DNAJA2: variants seen among roughly 807,000 people sequenced by gnomAD.
DNAJA2 encodes the protein dnaJ homolog subfamily A member 2.
A neutral mutation model predicts 49.3 loss-of-function variants in DNAJA2; 6 were observed. The observed-to-expected ratio is 0.12, with a 90% confidence interval of 0.07 to 0.24. DNAJA2 has a LOEUF of 0.24. Ranked by LOEUF, DNAJA2 falls within the 10% of genes least tolerant of loss-of-function variation. DNAJA2 has a pLI of 1.00. For synonymous variants in DNAJA2, 160 were observed against 172.7 expected, an observed-to-expected ratio of 0.93 and a Z score of 0.58; for missense variants, 347 against 516.8, an observed-to-expected ratio of 0.67 and a Z score of 3.19.
Position 46,970,223 on chromosome 16 carries a change from T to C in DNAJA2, c.362+1126A>G, listed in dbSNP as rs562904654. ...TTGCAAAGTGAAACAGCTATTTTCATACTGGAGAGGGCTTGTGGATTCACA... is the reference window on the plus strand; with the variant it reads ...TTGCAAAGTGAAACAGCTATTTTCACACTGGAGAGGGCTTGTGGATTCACA... On this transcript the variant is annotated intron_variant, in intron 3 of 8. Coordinates refer to ENST00000317089, the MANE Select transcript of DNAJA2 (RefSeq NM_005880.4). Among the ~76,000 whole-genome samples the C allele has an allele frequency of 8.7e-4, 132 of 152,342 alleles. 1 individual carries two copies. The highest frequency in any genetic ancestry group is 3.0e-3 in the African/African-American group (125 of 41,586).
intron 4 of DNAJA2, 66 bp from the exon 5 acceptor site, chr16:46,967,712 C>A: frequency 6.3e-7 from 1 of 1,599,094 alleles, no homozygotes; most frequent in Non-Finnish European, 8.5e-7. Context: ...CTATGACACA[C>A]AGAAATTGTG....
At chr16:46,963,397 T>G (rs1246875818) in intron 6 of DNAJA2, among the ~76,000 whole-genome samples, 3 of 151,904 alleles carry the variant, frequency 2.0e-5, no homozygotes, top group Non-Finnish European at 4.4e-5. Context: ...GGCTGGGCAC[T>G]GTGGCTCACA....
At chr16:46,971,239 G>T in intron 3 of DNAJA2, 110 bp downstream of exon 3, 1 of 880,582 alleles carries the variant, frequency 1.1e-6, no homozygotes, top group Non-Finnish European at 1.7e-6. Context: ...GCAAATGGAA[G>T]TTTTTCTAAT....
chr16:46,967,759 T>A (rs1282922137), intron 4 of DNAJA2, 113 bp from the exon 5 acceptor site: 4 of 1,377,640 alleles, frequency 2.9e-6, no homozygotes, highest in Admixed American at 4.1e-5. Flanking sequence ...AACTTGTATT[T>A]AAATTGACTT....
At chr16:46,967,983 G>C in intron 4 of DNAJA2, 101 bp downstream of exon 4, 1 of 1,178,802 alleles carries the variant, frequency 8.5e-7, no homozygotes, top group Non-Finnish European at 1.2e-6. Flanking sequence ...GCACCCAGCC[G>C]TAAGTTTTAA....
Position 46,956,447 on chromosome 16 carries a change from A to AAAAAG in DNAJA2, c.*581_*582insCTTTT. On this transcript the variant is annotated 3_prime_UTR_variant, in exon 9 of 9. Coordinates refer to ENST00000317089, the MANE Select transcript of DNAJA2 (RefSeq NM_005880.4). ...CCTTTCACAAGATGGTAAAAAAAAA[A>AAAAAG]AAAAAGAAAAAAGAAAAAAAAAACA... 6.6e-6 allele frequency: 1 copy of AAAAAG among 151,926 alleles called. No individual in the cohort carries two copies. 9.4% of individuals were successfully genotyped at this position (151,926 alleles called of 1,614,324 possible).
chr16:46,967,753 TG>T lies in DNAJA2; in HGVS notation c.444-108del. ...ACCTTCATCTTCAACCCCAATAACT[TG>T]TATTTAAATTGACTTCCAGAAGTAT... On this transcript the variant is annotated intron_variant, in intron 4 of 8. Coordinates refer to ENST00000317089, the MANE Select transcript of DNAJA2 (RefSeq NM_005880.4). 4 of 1,421,626 alleles carry T rather than the reference TG, an allele frequency of 2.8e-6. No homozygotes were observed. In the South Asian group the frequency reaches 5.2e-5, roughly 18 times the overall value. The allele number at this position is 1,421,626 out of a possible 1,614,324, so 88.1% of individuals were successfully genotyped here. A position where few individuals can be genotyped will look rare whatever the true frequency, so the allele number is the denominator to read the frequency against.
intron 8 of DNAJA2, among the ~76,000 whole-genome samples, chr16:46,958,108 G>A (rs1961842252): frequency 6.6e-6 from 1 of 152,204 alleles, no homozygotes; most frequent in African/African-American, 2.4e-5. Flanking sequence ...GGAGGCAGGA[G>A]GATTGCTTGA....
chr16:46,973,651 GCGGCACAGGC>G lies in DNAJA2; in HGVS notation c.-89_-80del. The G allele has an allele frequency of 6.8e-7, 1 of 1,466,598 alleles. No individual in the cohort carries two copies. The highest frequency in any genetic ancestry group is 1.2e-5 in the South Asian group (1 of 84,518). The allele number at this position is 1,466,598 out of a possible 1,614,324, so 90.8% of individuals were successfully genotyped here. A position where few individuals can be genotyped will look rare whatever the true frequency, so the allele number is the denominator to read the frequency against. The stretch of plus-strand genomic sequence containing the variant: ...GTCGGGCCCACAAGCGGCGTCGGCG[GCGGCACAGGC>G]CGAGGGAGACAGCGAGGGGGAAGCG... On this transcript the variant is annotated 5_prime_UTR_variant, in exon 1 of 9. Coordinates refer to ENST00000317089, the MANE Select transcript of DNAJA2 (RefSeq NM_005880.4).
intron 6 of DNAJA2, among the ~76,000 whole-genome samples, chr16:46,964,321 G>A (rs1961939404): frequency 2.0e-5 from 3 of 152,084 alleles, no homozygotes; most frequent in African/African-American, 4.8e-5. Flanking sequence ...GTAGTGAGCC[G>A]AGATCGCACC....
At position 46,956,816 on chromosome 16, in the gene DNAJA2, T is replaced by C. The variant is rs1456653855; in HGVS notation, c.*213A>G. 5.8e-6 allele frequency: 3 copies of C among 514,404 alleles called. No individual in the cohort carries two copies. Among genetic ancestry groups the C allele is most frequent in the Non-Finnish European group, 1.0e-5 (3 of 293,452 alleles). The allele number at this position is 514,404 out of a possible 1,614,324, so 31.9% of individuals were successfully genotyped here. ...GTCTTGTTTCCTTTCAAGTGCTTTA[T>C]TCTGCTATGGAACAGTCAAAATGAA... On this transcript the variant is annotated 3_prime_UTR_variant, in exon 9 of 9. Coordinates refer to ENST00000317089, the MANE Select transcript of DNAJA2 (RefSeq NM_005880.4).
Position 46,957,167 on chromosome 16 carries a change from T to C in DNAJA2, c.1101A>G (p.Glu367=). The change falls in exon 9 of 9, where the codon GAA becomes GAG. Residue 367 remains glutamate (E), a synonymous_variant. Transcript: ENST00000317089. ...SRPEVPNIIG[E]TEEVELQEFD... ...ATTCCTGAAGCTCTACCTCCTCTGTTTCTCCAATTATGTTAGGAACTTCCG... is the reference window on the plus strand; with the variant it reads ...ATTCCTGAAGCTCTACCTCCTCTGTCTCTCCAATTATGTTAGGAACTTCCG... 3 of 1,614,046 alleles carry C rather than the reference T, an allele frequency of 1.9e-6. No individual in the cohort carries two copies. Among genetic ancestry groups the C allele is most frequent in the Non-Finnish European group, 2.5e-6 (3 of 1,179,966 alleles).
chr16:46,957,155 T>C lies in DNAJA2; in HGVS notation c.1113A>G (p.Val371=), dbSNP rs1326530113. 3 of 1,614,210 alleles carry C rather than the reference T, an allele frequency of 1.9e-6. No homozygotes were observed. The highest frequency in any genetic ancestry group is 2.5e-6 in the Non-Finnish European group (3 of 1,180,034). Residue 371 remains valine, a synonymous_variant, in exon 9 of 9, where the codon GTA becomes GTG. Transcript: ENST00000317089. ...GAGTGCTATCAAATTCCTGAAGCTC[T>C]ACCTCCTCTGTTTCTCCAATTATGT... The part of the protein sequence containing the change: ...VPNIIGETEE[V]ELQEFDSTRG...
Position 46,965,371 on chromosome 16 carries a change from C to G in DNAJA2, c.578-564G>C, listed in dbSNP as rs1188885130. Among the ~76,000 whole-genome samples, 3 of 152,254 alleles carry G rather than the reference C, an allele frequency of 2.0e-5. No homozygotes were observed. The East Asian group carries it at 5.8e-4, about 29-fold the overall frequency. ...CTCTTATAATTATGGTATTAAAAAG[C>G]AAAACCGTGATTATACATATTATAG... is the stretch of plus-strand genomic sequence containing the variant. On this transcript the variant is annotated intron_variant, in intron 5 of 8. Coordinates refer to ENST00000317089, the MANE Select transcript of DNAJA2 (RefSeq NM_005880.4).
Position 46,969,758 on chromosome 16 carries a change from T to C in DNAJA2, c.362+1591A>G, listed in dbSNP as rs56125550. Among the ~76,000 whole-genome samples, 1,032 of 152,338 alleles carry C rather than the reference T, an allele frequency of 6.8e-3. 4 individuals carry two copies. Among genetic ancestry groups the C allele is most frequent in the Middle Eastern group, 0.014 (4 of 294 alleles). ...GGTAAATAAATCATAGAATGCAGTATTATAAACATAGTATTTGTAATAACA... is the reference window on the plus strand; with the variant it reads ...GGTAAATAAATCATAGAATGCAGTACTATAAACATAGTATTTGTAATAACA... On this transcript the variant is annotated intron_variant, in intron 3 of 8. Transcript: ENST00000317089.
Position 46,971,491 on chromosome 16 carries a change from G to A in DNAJA2, c.220C>T (p.Leu74Phe). ...CCACCTCCGCCGCTGCCTTCCCGAAGACCTTGCTCTCCGTATCTGTCATAT... is the reference window on the plus strand; with the variant it reads ...CCACCTCCGCCGCTGCCTTCCCGAAAACCTTGCTCTCCGTATCTGTCATAT... Reference protein sequence around the residue: ...ELYDRYGEQGLREGSGGGGGM... With the variant: ...ELYDRYGEQGFREGSGGGGGM... Residue 74 changes from leucine to phenylalanine, a missense_variant, in exon 3 of 9, where the codon CTT (leucine) becomes TTT (phenylalanine). Transcript: ENST00000317089. 6.2e-7 allele frequency: 1 copy of A among 1,613,736 alleles called. No homozygotes were observed. The highest frequency in any genetic ancestry group is 8.5e-7 in the Non-Finnish European group (1 of 1,179,910).
chr16:46,972,025 A>C, intron 1 of DNAJA2, 70 bp from the exon 2 acceptor site: 1 of 1,073,554 alleles, frequency 9.3e-7, no homozygotes, highest in Non-Finnish European at 1.4e-6. Flanking sequence ...ATAACTTAAT[A>C]TCCACTTTTC....
At chr16:46,969,279 C>G (rs994497416) in intron 3 of DNAJA2, among the ~76,000 whole-genome samples, 1 of 152,118 alleles carries the variant, frequency 6.6e-6, no homozygotes, top group Non-Finnish European at 1.5e-5. Flanking sequence ...CTGTTGTAGG[C>G]AGGATAAGAA....
rs1398717282 is a variant in DNAJA2, at chr16:46,973,312, CCGAGGCCGGAGTGCGCGGCTCGCGG to C, written c.78+158_78+182del. Among the ~76,000 whole-genome samples the C allele has an allele frequency of 1.2e-4, 18 of 151,144 alleles. No homozygotes were observed. The South Asian group carries it at 3.1e-3, about 26-fold the overall frequency. On this transcript the variant is annotated intron_variant, in intron 1 of 8. Transcript: ENST00000317089. Reference sequence around the variant, plus strand: ...GCGGGGCCGGCGGCCCCAAGGTCAGCCGAGGCCGGAGTGCGCGGCTCGCGGCGAGGCCGGTCCCGCCGCCGCCGCC... The same window carrying C: ...GCGGGGCCGGCGGCCCCAAGGTCAGCCGAGGCCGGTCCCGCCGCCGCCGCC...
Sources: allele counts gnomAD v4.1 joint callset (sites outside exome capture counted in the v4.1 genomes callset), GRCh38; gene constraint gnomAD v4.1.1; transcripts MANE v1.5; gene names NCBI Gene and HGNC (gene_info 2026-07-23, HGNC 2026-07-21).